The following ATP8B1 variants were observed in gnomAD, a reference collection of about 807,000 sequenced individuals.
The protein encoded by ATP8B1 is ATPase phospholipid transporting 8B1, also known as phospholipid-transporting ATPase IC.
Under a neutral mutation model 149.9 loss-of-function variants are expected in ATP8B1, and 80 were observed. The ratio of observed to expected loss-of-function variants is 0.53; its 90% CI spans 0.45 to 0.64. ATP8B1 has a LOEUF of 0.64. ATP8B1 is among the 30% of genes least tolerant of loss of function. ATP8B1 has a pLI of 0.00. For missense variants in ATP8B1, 1,247 were observed against 1,552.6 expected, an observed-to-expected ratio of 0.80 and a Z score of 3.31; for synonymous variants, 536 against 562.8, an observed-to-expected ratio of 0.95 and a Z score of 0.67.
chr18:57,763,937 G>T (rs2080181568), intron 1 of ATP8B1, among the ~76,000 whole-genome samples: 1 of 152,174 alleles, frequency 6.6e-6, no homozygotes, highest in Non-Finnish European at 1.5e-5. Context: ...CTTTGAAAAT[G>T]ATCTTGGCCT....
At chr18:57,712,109 G>A (rs1463642670) in intron 2 of ATP8B1, among the ~76,000 whole-genome samples, 2 of 150,784 alleles carry the variant, frequency 1.3e-5, no homozygotes, top group African/African-American at 4.9e-5. Context: ...ATAGAAGCTC[G>A]CACGAATTGT....
intron 2 of ATP8B1, among the ~76,000 whole-genome samples, chr18:57,719,499 G>T (rs988445610): frequency 6.6e-6 from 1 of 151,978 alleles, no homozygotes. Context: ...AAGGGGTGAC[G>T]GACGCACCTG....
At chr18:57,657,977 G>A (rs1486343309) in intron 22 of ATP8B1, among the ~76,000 whole-genome samples, 3 of 152,010 alleles carry the variant, frequency 2.0e-5, no homozygotes, top group Non-Finnish European at 2.9e-5. Flanking sequence ...GGTGTTAGGT[G>A]CCTCACTGGT....
chr18:57,671,421 A>T, intron 17 of ATP8B1, 47 bp downstream of exon 17: 1 of 1,443,576 alleles, frequency 6.9e-7, no homozygotes, highest in Non-Finnish European at 9.8e-7. Flanking sequence ...ACAGCATCAG[A>T]GAGTAAGTTC....
At chr18:57,753,009 C>T (rs754762953) in intron 1 of ATP8B1, among the ~76,000 whole-genome samples, 4 of 152,050 alleles carry the variant, frequency 2.6e-5, no homozygotes, top group Non-Finnish European at 4.4e-5. Flanking sequence ...ACACTGTCTC[C>T]GGCCCCCAGG....
intron 6 of ATP8B1, among the ~76,000 whole-genome samples, chr18:57,698,202 T>C (rs915822131): frequency 6.6e-6 from 1 of 152,186 alleles, no homozygotes; most frequent in South Asian, 2.1e-4. Context: ...GTGTTCCTTC[T>C]CAGTGACCCA....
At chr18:57,782,069 C>G (rs1434164174) in intron 1 of ATP8B1, among the ~76,000 whole-genome samples, 4 of 152,218 alleles carry the variant, frequency 2.6e-5, no homozygotes, top group African/African-American at 9.6e-5. Flanking sequence ...GGGAGCTTGG[C>G]AAAACCATAC....
At chr18:57,733,566 C>T (rs1008522088) in intron 1 of ATP8B1, among the ~76,000 whole-genome samples, 2 of 152,008 alleles carry the variant, frequency 1.3e-5, no homozygotes, top group South Asian at 2.1e-4. Flanking sequence ...ATTAGCCAGA[C>T]GTGGTAGCGG....
intron 1 of ATP8B1, among the ~76,000 whole-genome samples, chr18:57,796,447 C>T (rs1447200682): frequency 6.6e-6 from 1 of 152,120 alleles, no homozygotes; most frequent in Non-Finnish European, 1.5e-5. Context: ...AGTTCGAGAC[C>T]AGCCTGGGTA....
chr18:57,773,186 A>T (rs2080277818), intron 1 of ATP8B1, among the ~76,000 whole-genome samples: 1 of 134,520 alleles, frequency 7.4e-6, no homozygotes. Flanking sequence ...TGGGTGACAG[A>T]GCGAGACTCT....
intron 2 of ATP8B1, among the ~76,000 whole-genome samples, chr18:57,714,435 G>C (rs889013606): frequency 6.6e-6 from 1 of 152,150 alleles, no homozygotes. Flanking sequence ...CATGGTTACA[G>C]TGGGCCATGG....
At chr18:57,702,683 C>T (rs319455) in intron 4 of ATP8B1, among the ~76,000 whole-genome samples, 68,097 of 151,858 alleles carry the variant, frequency 0.45, 15,827 homozygotes, top group East Asian at 0.69. Flanking sequence ...CATAGAGAAA[C>T]GCCGTCTCTA....
chr18:57,735,041 G>A (rs1200742781), intron 1 of ATP8B1: 1 of 152,270 alleles, frequency 6.6e-6, no homozygotes, highest in African/African-American at 2.4e-5. Context: ...GAGGGACAAG[G>A]ATCGGGATAT....
At chr18:57,782,540 C>T (rs1415964940) in intron 1 of ATP8B1, among the ~76,000 whole-genome samples, 2 of 152,158 alleles carry the variant, frequency 1.3e-5, no homozygotes, top group Non-Finnish European at 2.9e-5. Flanking sequence ...GCTAATAAGA[C>T]TCTGGCAAGG....
intron 1 of ATP8B1, among the ~76,000 whole-genome samples, chr18:57,738,518 G>A (rs533145505): frequency 1.3e-5 from 2 of 152,198 alleles, no homozygotes; most frequent in South Asian, 2.1e-4. Flanking sequence ...CCAGCTATTC[G>A]GGAGGCTGAG....
rs755753899 is a variant in ATP8B1 at position 57,648,584 on chromosome 18, G to A, written c.3660C>T (p.Leu1220=). ...AFSHQRGYAD[L]ISSGRSIRKK... The stretch of plus-strand genomic sequence containing the variant: ...TGCGGATGCTGCGCCCGGAGGAGAT[G>A]AGGTCCGCGTAGCCCCGCTGGTGCG... Residue 1220 remains leucine (L), a synonymous_variant, in exon 28 of 28, where the codon CTC becomes CTT. Transcript: ENST00000648908. 1 of 1,611,356 alleles carries A rather than the reference G, an allele frequency of 6.2e-7. No individual in the cohort carries two copies. Among genetic ancestry groups the A allele is most frequent in the Non-Finnish European group, 8.5e-7 (1 of 1,179,884 alleles).
intron 1 of ATP8B1, among the ~76,000 whole-genome samples, chr18:57,790,367 A>G (rs2080452337): frequency 6.6e-6 from 1 of 151,322 alleles, no homozygotes; most frequent in Non-Finnish European, 1.5e-5. Flanking sequence ...ATTATCAAAC[A>G]AAACCAGGAA....
intron 1 of ATP8B1, among the ~76,000 whole-genome samples, chr18:57,790,562 G>A (rs756650916): frequency 1.8e-4 from 27 of 151,858 alleles, no homozygotes; most frequent in Non-Finnish European, 2.9e-4. Context: ...TTGCACATGC[G>A]GTTCCCATTG....
In ATP8B1 at chr18:57,650,421, G is replaced by A. The variant is rs117182648; in HGVS notation, c.3477C>T (p.Pro1159=). 2,798 of 1,613,930 alleles carry A rather than the reference G, an allele frequency of 1.7e-3. 74 individuals carry two copies. The East Asian group carries it at 0.05, about 29-fold the overall frequency. The change falls in exon 27 of 28, where the codon CCC becomes CCT. Residue 1159 remains proline (P), a synonymous_variant. Transcript: ENST00000648908. ...TTGACAGGAATCGAATGGCAACGAC[G>A]GGTAGTAAGCACACAGCAACAGCCA... ...IILAVAVCLL[P]VVAIRFLSMT...
Sources: allele counts gnomAD v4.1 joint callset (sites outside exome capture counted in the v4.1 genomes callset), GRCh38; gene constraint gnomAD v4.1.1; transcripts MANE v1.5; gene names NCBI Gene and HGNC (gene_info 2026-07-23, HGNC 2026-07-21).